NCF4: variants seen among roughly 807,000 people sequenced by gnomAD.
NCF4 encodes neutrophil cytosol factor 4.
In NCF4, 30 loss-of-function variants were observed where a neutral mutation model predicts 41.7. That is an observed-to-expected ratio of 0.72 (90% CI 0.54 to 0.97). NCF4 has a LOEUF of 0.97. NCF4 is among the 50% of genes least tolerant of loss of function. The probability of loss-of-function intolerance (pLI) is 0.00; values close to 1 mark genes in which losing one functional copy is unlikely to be tolerated. For missense variants in NCF4, 432 were observed against 460.9 expected (o/e 0.94, Z 0.57); for synonymous variants, 195 against 175.8 (o/e 1.11, Z -0.87).
chr22:36,877,689 C>T lies in NCF4; in HGVS notation c.886C>T (p.Arg296Trp), dbSNP rs199500127. The stretch of plus-strand genomic sequence containing the variant: ...CCGGGACGCTGAGGGGGATCTGGTT[C>T]GGCTGCTGTCGGATGAGGACGTAGC... ...NYRDAEGDLV[R>W]LLSDEDVALM... Residue 296 changes from arginine (R) to tryptophan (W), a missense_variant, in exon 10 of 10, where the codon CGG (arginine) becomes TGG (tryptophan). Arg to Trp is a moderately radical substitution (Grantham distance 101). Coordinates refer to ENST00000248899, the MANE Select transcript of NCF4 (RefSeq NM_000631.5). 2.6e-5 allele frequency: 42 copies of T among 1,614,144 alleles called. No individual in the cohort carries two copies. The highest frequency in any genetic ancestry group is 3.4e-5 in the Non-Finnish European group (40 of 1,180,046).
intron 4 of NCF4, 76 bp from the exon 5 acceptor site, chr22:36,870,339 G>T: frequency 1.2e-6 from 2 of 1,601,710 alleles, no homozygotes; most frequent in Non-Finnish European, 1.7e-6. Flanking sequence ...CAGGGCTCGG[G>T]GACGGGACAT....
In NCF4 at chr22:36,872,348, A is replaced by C. The variant is rs1386406914; in HGVS notation, c.550A>C (p.Asn184His). 33 of 1,612,110 alleles carry C rather than the reference A, an allele frequency of 2.0e-5. No homozygotes were observed. Among genetic ancestry groups the C allele is most frequent in the Non-Finnish European group, 2.7e-5 (32 of 1,178,170 alleles). The change falls in exon 7 of 10, where the codon AAC becomes CAC. Residue 184 changes from asparagine to histidine, a missense_variant. Transcript: ENST00000248899. ...TCAGGCTCTATTTGACTTCACTGGA[A>C]ACAGCAAACTGGAGCTGAATTTCAA... ...RAEALFDFTG[N>H]SKLELNFKAG...
chr22:36,865,339 C>T lies in NCF4; in HGVS notation c.271+267C>T, dbSNP rs1165751787. 1.3e-5 allele frequency among the ~76,000 whole-genome samples: 2 copies of T among 152,116 alleles called. No homozygotes were observed. The highest frequency in any genetic ancestry group is 1.5e-5 in the Non-Finnish European group (1 of 68,018). On this transcript the variant is annotated intron_variant, in intron 3 of 9. Coordinates refer to ENST00000248899, the MANE Select transcript of NCF4 (RefSeq NM_000631.5). This position sits in a 1 kb window ranked among gnomAD's most constrained non-coding sequence, Gnocchi z 4.3. ...GCCACTCGCTCCTGCTGTCCACTACCAGGAGGCCACAGTCTGGAGCACTTC... is the reference window on the plus strand; with the variant it reads ...GCCACTCGCTCCTGCTGTCCACTACTAGGAGGCCACAGTCTGGAGCACTTC...
rs1363360284 is a variant in NCF4 at position 36,872,382 on chromosome 22, A to G, written c.584A>G (p.Asp195Gly). ...SKLELNFKAG[D>G]VIFLLSRINK... ...CTGGAGCTGAATTTCAAAGCTGGAG[A>G]TGTGATCTTCCTCCTCAGTCGGATC... is the stretch of plus-strand genomic sequence containing the variant. The change falls in exon 7 of 10, where the codon GAT becomes GGT. Residue 195 changes from aspartate to glycine, a missense_variant. Coordinates refer to ENST00000248899, the MANE Select transcript of NCF4 (RefSeq NM_000631.5). 7.4e-6 allele frequency: 12 copies of G among 1,613,752 alleles called. No individual in the cohort carries two copies. The highest frequency in any genetic ancestry group is 9.3e-6 in the Non-Finnish European group (11 of 1,179,608).
chr22:36,870,942 G>A (rs572705434), intron 5 of NCF4, among the ~76,000 whole-genome samples: 9 of 152,280 alleles, frequency 5.9e-5, no homozygotes, highest in African/African-American at 2.2e-4. Flanking sequence ...GCTCCATGGG[G>A]CCAGCTATGG....
rs1569111296 is a variant in NCF4 at position 36,865,785 on chromosome 22, C to T, written c.271+713C>T. Among the ~76,000 whole-genome samples the T allele has an allele frequency of 6.6e-6, 1 of 152,174 alleles. No homozygotes were observed. The highest frequency in any genetic ancestry group is 1.5e-5 in the Non-Finnish European group (1 of 68,028). On this transcript the variant is annotated intron_variant, in intron 3 of 9. Coordinates refer to ENST00000248899, the MANE Select transcript of NCF4 (RefSeq NM_000631.5). This position sits in a 1 kb window ranked among gnomAD's most constrained non-coding sequence, Gnocchi z 4.3. The stretch of plus-strand genomic sequence containing the variant: ...CCTTCCCCAAGCCTCAGGGACCCTT[C>T]CCCAAGCTCCAACCCCATCTCCAGT...
intron 7 of NCF4, among the ~76,000 whole-genome samples, chr22:36,874,104 G>A (rs981274237): frequency 6.6e-6 from 1 of 152,224 alleles, no homozygotes; most frequent in African/African-American, 2.4e-5. Flanking sequence ...CCCAGAGCCT[G>A]GGTGTGCGGC....
chr22:36,864,063 G>T lies in NCF4; in HGVS notation c.51G>T (p.Pro17=), dbSNP rs139289225. ...CGCACAGTGACTTTGAACAGCTTCC[G>T]GATGATGTTGCCATCTCGGCCAACA... ...LRAESDFEQL[P]DDVAISANIA... The change falls in exon 2 of 10, where the codon CCG becomes CCT. Residue 17 remains proline (P), a synonymous_variant. Transcript: ENST00000248899. 1 of 1,614,154 alleles carries T rather than the reference G, an allele frequency of 6.2e-7. No individual in the cohort carries two copies. Among genetic ancestry groups the T allele is most frequent in the Non-Finnish European group, 8.5e-7 (1 of 1,180,014 alleles).
At chr22:36,867,145 G>T (rs1390076743) in intron 3 of NCF4, among the ~76,000 whole-genome samples, 1 of 151,842 alleles carries the variant, frequency 6.6e-6, no homozygotes, top group Non-Finnish European at 1.5e-5. Context: ...GTGTGTGTGC[G>T]CTTGGATGAA....
Position 36,861,120 on chromosome 22 carries a change from T to G in NCF4, c.-52T>G, listed in dbSNP as rs1939763904. On this transcript the variant is annotated 5_prime_UTR_variant, in exon 1 of 10. Coordinates refer to ENST00000248899, the MANE Select transcript of NCF4 (RefSeq NM_000631.5). ...GAGGAAGTGAGAGGTGAACTCAGCC[T>G]GGGACTGGCTGGGCGAGACTCTCCA... The G allele has an allele frequency of 3.9e-6, 6 of 1,549,334 alleles. No homozygotes were observed. The highest frequency in any genetic ancestry group is 4.4e-6 in the Non-Finnish European group (5 of 1,145,236).
At position 36,867,410 on chromosome 22, in the gene NCF4, T is replaced by C; in HGVS notation, c.290T>C (p.Val97Ala). 6.2e-7 allele frequency: 1 copy of C among 1,614,098 alleles called. No individual in the cohort carries two copies. Among genetic ancestry groups the C allele is most frequent in the Non-Finnish European group, 8.5e-7 (1 of 1,180,014 alleles). Residue 97 changes from valine to alanine, a missense_variant, in exon 4 of 10, where the codon GTG becomes GCG. By Grantham distance (64) the Val-to-Ala change is moderately conservative. Transcript: ENST00000248899. The stretch of plus-strand genomic sequence containing the variant: ...TTCTCAGCCAAAGTCTACGTGGGTG[T>C]GAAACAGGAGATCGCCGAGATGCGG... Reference protein sequence around the residue: ...PTLPAKVYVGVKQEIAEMRIP... With the variant: ...PTLPAKVYVGAKQEIAEMRIP...
In NCF4 at chr22:36,870,324, G is replaced by A. The variant is rs190569542; in HGVS notation, c.343-91G>A. On this transcript the variant is annotated intron_variant, in intron 4 of 9. Transcript: ENST00000248899. The stretch of plus-strand genomic sequence containing the variant: ...ATGCATTAGTAAAGAGAGGAGGGCT[G>A]ATGTCAGGGCTCGGGGACGGGACAT... 2,693 of 1,568,178 alleles carry A rather than the reference G, an allele frequency of 1.7e-3. 6 individuals carry two copies. The highest frequency in any genetic ancestry group is 2.0e-3 in the Non-Finnish European group (2,267 of 1,144,846).
chr22:36,864,039 G>T lies in NCF4; in HGVS notation c.33-6G>T, dbSNP rs200865261. ...AGCAGGATCTCTTTTCCCCTCCTTCGCACAGTGACTTTGAACAGCTTCCGG... is the reference window on the plus strand; with the variant it reads ...AGCAGGATCTCTTTTCCCCTCCTTCTCACAGTGACTTTGAACAGCTTCCGG... On this transcript the variant is annotated splice_region_variant and splice_polypyrimidine_tract_variant and intron_variant, in intron 1 of 9. Coordinates refer to ENST00000248899, the MANE Select transcript of NCF4 (RefSeq NM_000631.5). 1.2e-6 allele frequency: 2 copies of T among 1,613,632 alleles called. No individual in the cohort carries two copies. The highest frequency in any genetic ancestry group is 1.7e-6 in the Non-Finnish European group (2 of 1,179,634).
At position 36,877,629 on chromosome 22, in the gene NCF4, C is replaced by T. The variant is rs200598824; in HGVS notation, c.826C>T (p.Arg276Trp). The T allele has an allele frequency of 7.5e-5, 121 of 1,613,982 alleles. No individual in the cohort carries two copies. Among genetic ancestry groups the T allele is most frequent in the Non-Finnish European group, 6.4e-5 (76 of 1,180,006 alleles). The change falls in exon 10 of 10, where the codon CGG (arginine) becomes TGG (tryptophan). Residue 276 changes from arginine to tryptophan, a missense_variant and splice_region_variant. Coordinates refer to ENST00000248899, the MANE Select transcript of NCF4 (RefSeq NM_000631.5). ...LLKDLLELTRREFQREDIALN... is the reference protein window; with the variant it reads ...LLKDLLELTRWEFQREDIALN... ...TTATCCCTGACTTTTCCCATGCAGG[C>T]GGGAGTTCCAGAGAGAGGACATAGC...
intron 4 of NCF4, 84 bp downstream of exon 4, chr22:36,867,546 T>C (rs1939957767): frequency 1.4e-6 from 2 of 1,451,946 alleles, no homozygotes; most frequent in Non-Finnish European, 1.9e-6. Flanking sequence ...TGGGTATGGC[T>C]TTGGGAACTG....
At chr22:36,873,112 G>A (rs1477479585) in intron 7 of NCF4, among the ~76,000 whole-genome samples, 2 of 150,510 alleles carry the variant, frequency 1.3e-5, no homozygotes, top group Non-Finnish European at 3.0e-5. Context: ...GGATGGAGGT[G>A]AGCGTGGAGG....
At chr22:36,869,981 C>T (rs34456233) in intron 4 of NCF4, 11,277 of 255,706 alleles carry the variant, frequency 0.044, 345 homozygotes, top group Non-Finnish European at 0.061. Flanking sequence ...CTCTGGGTGC[C>T]CCAGCTCTGT....
chr22:36,871,608 TGA>T, intron 5 of NCF4, 42 bp from the exon 6 acceptor site: 1 of 1,549,218 alleles, frequency 6.5e-7, no homozygotes, highest in African/African-American at 1.4e-5. Context: ...AGCTGGGCCC[TGA>T]GAGAATCACA....
intron 9 of NCF4, 106 bp from the exon 10 acceptor site, chr22:36,877,518 TCTGA>T (rs1245904595): frequency 9.9e-6 from 11 of 1,115,364 alleles, no homozygotes; most frequent in Non-Finnish European, 1.5e-5. Context: ...TGTATCAGGC[TCTGA>T]CTTTTTCTTA....
Sources: allele counts gnomAD v4.1 joint callset (sites outside exome capture counted in the v4.1 genomes callset), GRCh38; gene constraint gnomAD v4.1.1; non-coding constraint Gnocchi (gnomAD v3.1); transcripts MANE v1.5; gene names NCBI Gene and HGNC (gene_info 2026-07-23, HGNC 2026-07-21).